RMDN2: variants seen among roughly 807,000 people sequenced by gnomAD.
The protein encoded by RMDN2 is regulator of microtubule dynamics 2.
Under a neutral mutation model 52.8 loss-of-function variants are expected in RMDN2, and 61 were observed. That is an observed-to-expected ratio of 1.16 (90% confidence interval 0.94 to 1.43). RMDN2 has a LOEUF of 1.43. RMDN2 is among the 40% of genes most tolerant of loss of function. The probability of loss-of-function intolerance (pLI) is 0.00; values close to 1 mark genes in which losing one functional copy is unlikely to be tolerated. For synonymous variants in RMDN2, 180 were observed against 153.1 expected (o/e 1.18, Z -1.30); for missense variants, 592 against 475.3 (o/e 1.25, Z -2.28).
chr2:38,046,354 A>G (rs1681270659), intron 10 of RMDN2, among the ~76,000 whole-genome samples: 1 of 152,242 alleles, frequency 6.6e-6, no homozygotes, highest in Non-Finnish European at 1.5e-5. Flanking sequence ...GAAACCCCAA[A>G]GAAACCATGC....
chr2:37,957,038 C>T (rs1442744384), intron 2 of RMDN2, among the ~76,000 whole-genome samples: 1 of 152,208 alleles, frequency 6.6e-6, no homozygotes, highest in Non-Finnish European at 1.5e-5. Context: ...GCCACATTTT[C>T]TTTATTCAGT....
At chr2:37,959,786 T>C (rs1669963620) in intron 2 of RMDN2, among the ~76,000 whole-genome samples, 1 of 150,968 alleles carries the variant, frequency 6.6e-6, no homozygotes, top group African/African-American at 2.5e-5. Context: ...TGTAGGCATT[T>C]AGTGCTATAA....
chr2:37,972,743 G>C (rs1443525506), intron 2 of RMDN2, among the ~76,000 whole-genome samples: 1 of 152,188 alleles, frequency 6.6e-6, no homozygotes, highest in Non-Finnish European at 1.5e-5. Context: ...GGGAGAAGTG[G>C]CTAGATTCTG....
At chr2:37,949,426 C>G (rs1419790348) in intron 2 of RMDN2, among the ~76,000 whole-genome samples, 1 of 152,082 alleles carries the variant, frequency 6.6e-6, no homozygotes, top group Admixed American at 6.6e-5. Context: ...CTGCATTGCC[C>G]CTGTGGCAAT....
chr2:37,974,955 C>G (rs1002548955), intron 3 of RMDN2: 1 of 396,802 alleles, frequency 2.5e-6, no homozygotes, highest in Non-Finnish European at 4.5e-6. Context: ...AATCTCTTCT[C>G]TGCATAGATG....
chr2:37,962,046 C>G (rs1670309021), intron 2 of RMDN2, among the ~76,000 whole-genome samples: 1 of 152,234 alleles, frequency 6.6e-6, no homozygotes, highest in African/African-American at 2.4e-5. Flanking sequence ...AGATTGCTGC[C>G]TCCTCCTTTC....
chr2:37,967,952 TTGA>T (rs1055160900), intron 2 of RMDN2, among the ~76,000 whole-genome samples: 1 of 152,234 alleles, frequency 6.6e-6, no homozygotes, highest in Admixed American at 6.5e-5. Context: ...TGTCTTGACC[TTGA>T]TGAATTATGT....
downstream of RMDN2, among the ~76,000 whole-genome samples, chr2:38,018,009 G>A (rs7568297): frequency 0.36 from 54,801 of 152,016 alleles, 11,672 homozygotes; most frequent in African/African-American, 0.57. Flanking sequence ...GGAATTTCAC[G>A]AGATAATGTC....
At chr2:37,982,445 C>A (rs911689682) in intron 5 of RMDN2, among the ~76,000 whole-genome samples, 9 of 152,154 alleles carry the variant, frequency 5.9e-5, no homozygotes, top group African/African-American at 1.9e-4. Context: ...TAGCCCCTGC[C>A]CTCTGTCATG....
At chr2:38,046,202 T>G (rs1033536447) in intron 10 of RMDN2, among the ~76,000 whole-genome samples, 2 of 152,184 alleles carry the variant, frequency 1.3e-5, no homozygotes, top group African/African-American at 2.4e-5. Flanking sequence ...TGGGGCAGAC[T>G]TGTAAACTGT....
At chr2:37,948,401 C>T (rs1049250212) in intron 2 of RMDN2, among the ~76,000 whole-genome samples, 4 of 152,044 alleles carry the variant, frequency 2.6e-5, no homozygotes, top group African/African-American at 9.7e-5. Context: ...TGATGGAATA[C>T]TGACCTAGGT....
intron 2 of RMDN2, among the ~76,000 whole-genome samples, chr2:37,971,319 A>T (rs547868562): frequency 6.6e-6 from 1 of 152,096 alleles, no homozygotes; most frequent in East Asian, 1.9e-4. Context: ...TTCTAGCACT[A>T]TTTGTTGAAG....
chr2:37,999,721 G>A (rs549284724), intron 8 of RMDN2, among the ~76,000 whole-genome samples: 2 of 152,192 alleles, frequency 1.3e-5, no homozygotes, highest in South Asian at 4.2e-4. Context: ...TACAACACAG[G>A]AGGCCGTGTT....
intron 10 of RMDN2, among the ~76,000 whole-genome samples, chr2:38,023,694 CT>C (rs1679559062): frequency 6.6e-6 from 1 of 152,154 alleles, no homozygotes; most frequent in Admixed American, 6.5e-5. Flanking sequence ...AAAGTTCATA[CT>C]TGAAGTACTG....
downstream of RMDN2, among the ~76,000 whole-genome samples, chr2:38,022,297 C>T (rs546125511): frequency 5.3e-5 from 8 of 152,290 alleles, no homozygotes; most frequent in East Asian, 1.2e-3. Context: ...GAACATTATG[C>T]CTACTCCAGG....
chr2:38,015,748 C>T (rs1472946465), intron 10 of RMDN2, among the ~76,000 whole-genome samples: 2 of 152,128 alleles, frequency 1.3e-5, no homozygotes, highest in Non-Finnish European at 2.9e-5. Context: ...ACAGAACTTC[C>T]GTGTAGAATA....
intron 2 of RMDN2, among the ~76,000 whole-genome samples, chr2:37,967,679 A>T (rs1002035249): frequency 2.6e-5 from 4 of 152,248 alleles, no homozygotes; most frequent in African/African-American, 9.6e-5. Flanking sequence ...CACCATGATG[A>T]TACTCCTGCT....
intron 10 of RMDN2, among the ~76,000 whole-genome samples, chr2:38,061,646 C>CACACATACACACAT (rs1553393407): frequency 2.1e-4 from 32 of 149,670 alleles, no homozygotes; most frequent in Admixed American, 2.7e-4. Context: ...CACACACACA[C>CACACATACACACAT]ACACACATAC....
intron 2 of RMDN2, 72 bp downstream of exon 2, chr2:37,929,801 T>C (rs1666573947): frequency 9.6e-7 from 1 of 1,038,032 alleles, no homozygotes; most frequent in Non-Finnish European, 1.4e-6. Flanking sequence ...GGTATTTTCA[T>C]TATGGGTTCC....
Sources: allele counts gnomAD v4.1 joint callset (sites outside exome capture counted in the v4.1 genomes callset), GRCh38; gene constraint gnomAD v4.1.1; transcripts MANE v1.5; gene names NCBI Gene and HGNC (gene_info 2026-07-23, HGNC 2026-07-21).